NAALADL2: variants seen among roughly 807,000 people sequenced by gnomAD.
NAALADL2 encodes inactive N-acetylated-alpha-linked acidic dipeptidase-like protein 2.
NAALADL2 carries 76 observed loss-of-function variants against 87.2 expected under a neutral mutation model. The observed-to-expected ratio is 0.87, with a 90% CI of 0.72 to 1.05. The LOEUF (loss-of-function observed/expected upper bound fraction) is 1.05. NAALADL2 is among the 50% of genes least tolerant of loss of function. NAALADL2 has a pLI of 0.00. For synonymous variants in NAALADL2, 354 were observed against 331.0 expected, an observed-to-expected ratio of 1.07 and a Z score of -0.75; for missense variants, 1,089 against 945.8, an observed-to-expected ratio of 1.15 and a Z score of -1.99.
At chr3:175,098,923 A>C (rs1310154755) in intron 2 of NAALADL2, among the ~76,000 whole-genome samples, 1 of 150,002 alleles carries the variant, frequency 6.7e-6, no homozygotes, top group Non-Finnish European at 1.5e-5. Flanking sequence ...GCATCTGGTT[A>C]GTTTTTAATT....
chr3:175,591,983 T>G (rs1222382643), intron 10 of NAALADL2, among the ~76,000 whole-genome samples: 2 of 151,638 alleles, frequency 1.3e-5, no homozygotes, highest in African/African-American at 4.9e-5. Flanking sequence ...ATCAGAGAGG[T>G]AGTCATTTCA....
chr3:175,273,686 G>A (rs866019498), intron 4 of NAALADL2, among the ~76,000 whole-genome samples: 6 of 151,918 alleles, frequency 3.9e-5, no homozygotes, highest in South Asian at 2.1e-4. Flanking sequence ...TAACCCTAAC[G>A]TAAGAGTATT....
chr3:174,912,538 T>C (rs139975194), intron 1 of NAALADL2, among the ~76,000 whole-genome samples: 2 of 152,294 alleles, frequency 1.3e-5, no homozygotes, highest in African/African-American at 4.8e-5. Flanking sequence ...CTGTTTTCAA[T>C]CTGATTTGTT....
chr3:174,655,941 C>A (rs192679763), intron 2 of NAALADL2, among the ~76,000 whole-genome samples: 13 of 152,206 alleles, frequency 8.5e-5, no homozygotes, highest in African/African-American at 3.1e-4. Flanking sequence ...TTGTTCTTAC[C>A]GGTGGATACA....
chr3:175,323,954 G>C (rs966269184), intron 4 of NAALADL2, among the ~76,000 whole-genome samples: 2 of 148,838 alleles, frequency 1.3e-5, no homozygotes, highest in African/African-American at 2.5e-5. Context: ...GGAGGTGGAG[G>C]TTGCAGTGAG....
At chr3:174,572,698 C>T (rs1715072025) in intron 2 of NAALADL2, among the ~76,000 whole-genome samples, 1 of 152,134 alleles carries the variant, frequency 6.6e-6, no homozygotes, top group African/African-American at 2.4e-5. Flanking sequence ...AATAGCATTT[C>T]TATATAGCAC....
intron 1 of NAALADL2, among the ~76,000 whole-genome samples, chr3:174,460,279 A>C (rs972313304): frequency 6.6e-6 from 1 of 151,940 alleles, no homozygotes; most frequent in African/African-American, 2.4e-5. Context: ...TTCATGTATT[A>C]AAACAGTATG....
At chr3:174,704,456 A>C (rs653218) in intron 2 of NAALADL2, among the ~76,000 whole-genome samples, 44,484 of 152,048 alleles carry the variant, frequency 0.29, 7,094 homozygotes, top group Non-Finnish European at 0.37. Flanking sequence ...TTTGGTATTT[A>C]AATTAATACT....
At chr3:175,161,836 T>C (rs1330554457) in intron 2 of NAALADL2, among the ~76,000 whole-genome samples, 1 of 152,180 alleles carries the variant, frequency 6.6e-6, no homozygotes, top group Non-Finnish European at 1.5e-5. Context: ...TGTCAATCAA[T>C]TATTGCAGTC....
At chr3:174,780,845 C>T (rs989557236) in intron 3 of NAALADL2, among the ~76,000 whole-genome samples, 3 of 151,928 alleles carry the variant, frequency 2.0e-5, no homozygotes, top group African/African-American at 4.8e-5. Context: ...TTATTTTGCC[C>T]ATTAGTTGAT....
At chr3:174,633,165 A>G (rs2108703505) in intron 2 of NAALADL2, among the ~76,000 whole-genome samples, 1 of 152,258 alleles carries the variant, frequency 6.6e-6, no homozygotes, top group Non-Finnish European at 1.5e-5. Flanking sequence ...ATGTAAAAAC[A>G]TAATCCAGAG....
intron 3 of NAALADL2, among the ~76,000 whole-genome samples, chr3:174,738,720 T>C (rs988203243): frequency 6.6e-6 from 1 of 152,242 alleles, no homozygotes; most frequent in African/African-American, 2.4e-5. Flanking sequence ...AGAATTTTGT[T>C]ACTATGTAAA....
At chr3:174,738,715 T>C (rs1287991926) in intron 3 of NAALADL2, among the ~76,000 whole-genome samples, 1 of 152,204 alleles carries the variant, frequency 6.6e-6, no homozygotes. Flanking sequence ...TCTATAGAAT[T>C]TTGTTACTAT....
At chr3:174,822,203 C>T (rs556350638) in intron 3 of NAALADL2, among the ~76,000 whole-genome samples, 22 of 151,582 alleles carry the variant, frequency 1.5e-4, no homozygotes, top group Non-Finnish European at 2.1e-4. Flanking sequence ...AGAGAGTGAG[C>T]GAGCAAATAT....
At chr3:175,413,856 T>C (rs1714087434) in intron 5 of NAALADL2, among the ~76,000 whole-genome samples, 1 of 152,114 alleles carries the variant, frequency 6.6e-6, no homozygotes, top group African/African-American at 2.4e-5. Context: ...AAAAATAAGG[T>C]GCAAGCATGT....
At chr3:175,271,896 GA>G (rs1752898925) in intron 4 of NAALADL2, among the ~76,000 whole-genome samples, 1 of 152,236 alleles carries the variant, frequency 6.6e-6, no homozygotes, top group African/African-American at 2.4e-5. Flanking sequence ...TTAAATACTG[GA>G]AAAACTTCCA....
At position 175,345,818 on chromosome 3, in the gene NAALADL2, G is replaced by A. The variant is rs562583569; in HGVS notation, c.1090+21493G>A. ...AGATGACACAAGGGAAATTGCTGTT[G>A]AGGCTTGCAAAATGATAGAAGACAG... On this transcript the variant is annotated intron_variant, in intron 5 of 13. Coordinates refer to ENST00000454872, the MANE Select transcript of NAALADL2 (RefSeq NM_207015.3). Among the ~76,000 whole-genome samples the A allele has an allele frequency of 4.6e-5, 7 of 152,226 alleles. No homozygotes were observed. The South Asian group carries it at 1.4e-3, about 32-fold the overall frequency.
intron 2 of NAALADL2, among the ~76,000 whole-genome samples, chr3:175,221,007 G>C (rs1743273457): frequency 1.3e-5 from 2 of 151,768 alleles, no homozygotes; most frequent in South Asian, 4.2e-4. Context: ...GACTAGCCTG[G>C]CCAACATGGT....
At chr3:174,915,017 T>C (rs751288295) in intron 1 of NAALADL2, among the ~76,000 whole-genome samples, 1 of 152,194 alleles carries the variant, frequency 6.6e-6, no homozygotes, top group Non-Finnish European at 1.5e-5. Flanking sequence ...TACAGTTTAA[T>C]TCTACAAAGT....
Sources: allele counts gnomAD v4.1 joint callset (sites outside exome capture counted in the v4.1 genomes callset), GRCh38; gene constraint gnomAD v4.1.1; transcripts MANE v1.5; gene names NCBI Gene and HGNC (gene_info 2026-07-23, HGNC 2026-07-21).